The following FGF1 variants were observed in gnomAD, a reference collection of about 807,000 sequenced individuals.
FGF1 encodes the protein fibroblast growth factor 1, also known as beta-endothelial cell growth factor.
Under a neutral mutation model 13.4 loss-of-function variants are expected in FGF1, and 9 were observed. The ratio of observed to expected loss-of-function variants is 0.67; its 90% confidence interval spans 0.40 to 1.17. The LOEUF is 1.17. Ranked by LOEUF, FGF1 falls within the 50% of genes most tolerant of loss-of-function variation. The pLI, the probability that FGF1 is intolerant of heterozygous loss-of-function variation, is 0.01. For synonymous variants in FGF1, 93 were observed against 79.0 expected (o/e 1.18, Z -0.94); for missense variants, 156 against 192.7 (o/e 0.81, Z 1.13).
At chr5:142,621,675 A>G (rs534409990) in intron 1 of FGF1, among the ~76,000 whole-genome samples, 21 of 152,096 alleles carry the variant, frequency 1.4e-4, no homozygotes, top group African/African-American at 4.8e-4. Context: ...GTGATTTCCC[A>G]TTGCTCTGGG....
In FGF1 at chr5:142,628,370, C is replaced by T. The variant is rs553981702; in HGVS notation, c.-34-14209G>A. ...CTAAAAATACAAAAAATTAGCCGGGCGTGATGGCACATGCCTGTAATCCCA... is the reference window on the plus strand; with the variant it reads ...CTAAAAATACAAAAAATTAGCCGGGTGTGATGGCACATGCCTGTAATCCCA... On this transcript the variant is annotated intron_variant, in intron 1 of 3. Coordinates refer to ENST00000337706, the MANE Select transcript of FGF1 (RefSeq NM_000800.5). Among the ~76,000 whole-genome samples, 14 of 152,182 alleles carry T rather than the reference C, an allele frequency of 9.2e-5. 1 individual carries two copies. In the South Asian group the frequency reaches 2.5e-3, roughly 27 times the overall value.
At chr5:142,660,618 C>G (rs139443042) in intron 1 of FGF1, among the ~76,000 whole-genome samples, 3 of 152,348 alleles carry the variant, frequency 2.0e-5, no homozygotes, top group Non-Finnish European at 4.4e-5. Flanking sequence ...ACCCATTCAG[C>G]CTCTCAAACT....
At chr5:142,637,023 A>G (rs1764365040) in intron 1 of FGF1, among the ~76,000 whole-genome samples, 1 of 152,010 alleles carries the variant, frequency 6.6e-6, no homozygotes, top group Non-Finnish European at 1.5e-5. Flanking sequence ...CAATTGCCCA[A>G]GTAAGAGGTC....
chr5:142,627,118 G>A (rs1267980162), intron 1 of FGF1: 2 of 152,198 alleles, frequency 1.3e-5, no homozygotes, highest in African/African-American at 4.8e-5. Flanking sequence ...TGTTTAGTGG[G>A]TTGATTTTCT....
intron 1 of FGF1, among the ~76,000 whole-genome samples, chr5:142,637,620 C>T (rs1186813465): frequency 6.6e-6 from 1 of 151,992 alleles, no homozygotes; most frequent in Non-Finnish European, 1.5e-5. Context: ...TGCCCAGCCA[C>T]CATGGCATCT....
chr5:142,656,972 C>T (rs150995746), intron 1 of FGF1, among the ~76,000 whole-genome samples: 1 of 151,964 alleles, frequency 6.6e-6, no homozygotes. Flanking sequence ...GGCTGGAGTG[C>T]AATGGCGAGA....
intron 1 of FGF1, among the ~76,000 whole-genome samples, chr5:142,619,657 A>C (rs1407537979): frequency 2.0e-5 from 3 of 152,156 alleles, no homozygotes; most frequent in Non-Finnish European, 4.4e-5. Context: ...AACATGGAGA[A>C]ACCCCGTCTC....
chr5:142,618,934 T>G (rs935048297), intron 1 of FGF1, among the ~76,000 whole-genome samples: 42 of 130,774 alleles, frequency 3.2e-4, no homozygotes, highest in Non-Finnish European at 2.8e-4. Flanking sequence ...GTTTTGTTTT[T>G]TTTTTTTTTT....
At position 142,670,730 on chromosome 5, in the gene FGF1, C is replaced by T. The variant is rs75615055; in HGVS notation, c.-35+15227G>A. ...CTTCCAATCATTTATTTGGAAATTA[C>T]GATGTGCCTCACAGTTATTTGGACT... is the stretch of plus-strand genomic sequence containing the variant. On this transcript the variant is annotated intron_variant, in intron 1 of 3. Coordinates refer to ENST00000337706, the MANE Select transcript of FGF1 (RefSeq NM_000800.5). Among the ~76,000 whole-genome samples the T allele has an allele frequency of 1.7e-4, 26 of 152,288 alleles. No homozygotes were observed. In the East Asian group the frequency reaches 3.9e-3, roughly 23 times the overall value.
chr5:142,597,279 T>C (rs954751174), intron 3 of FGF1, among the ~76,000 whole-genome samples: 11 of 152,220 alleles, frequency 7.2e-5, no homozygotes. Flanking sequence ...GTTGAGTAAG[T>C]GTACAACTGT....
chr5:142,612,052 G>A (rs958326468), intron 2 of FGF1, among the ~76,000 whole-genome samples: 2 of 152,210 alleles, frequency 1.3e-5, no homozygotes, highest in Admixed American at 6.5e-5. Context: ...TTGTACAAAT[G>A]AGAAAAGTGA....
In FGF1 at chr5:142,595,147, C is replaced by T; in HGVS notation, c.*143G>A. ...AGGCTCTGCAAAGAAGTGAACTGGG[C>T]ATTTAGAAGCAAGTTGCTTACAAAT... is the stretch of plus-strand genomic sequence containing the variant. On this transcript the variant is annotated 3_prime_UTR_variant, in exon 4 of 4. Transcript: ENST00000337706. The T allele has an allele frequency of 1.5e-6, 1 of 649,094 alleles. No homozygotes were observed. The highest frequency in any genetic ancestry group is 2.9e-5 in the Admixed American group (1 of 34,260). The allele number at this position is 649,094 out of a possible 1,614,324, so 40.2% of individuals were successfully genotyped here.
At chr5:142,631,845 G>A (rs753040331) in intron 1 of FGF1, among the ~76,000 whole-genome samples, 11 of 139,596 alleles carry the variant, frequency 7.9e-5, no homozygotes, top group African/African-American at 1.1e-4. Context: ...GTGCAGTGGC[G>A]CAATCTCGGC....
In FGF1 at chr5:142,600,266, G is replaced by T. The variant is rs17217380; in HGVS notation, c.273+436C>A. 8.7e-3 allele frequency among the ~76,000 whole-genome samples: 1,327 copies of T among 152,284 alleles called. 19 individuals carry two copies. Among genetic ancestry groups the T allele is most frequent in the African/African-American group, 0.03 (1,234 of 41,566 alleles). Reference sequence around the variant, plus strand: ...GGTCCCAGCTACTCAGGGGGCTGAGGGGGGAGGATTTCTTGAGCCCAGGAG... The same window carrying T: ...GGTCCCAGCTACTCAGGGGGCTGAGTGGGGAGGATTTCTTGAGCCCAGGAG... On this transcript the variant is annotated intron_variant, in intron 3 of 3. Coordinates refer to ENST00000337706, the MANE Select transcript of FGF1 (RefSeq NM_000800.5).
intron 2 of FGF1, among the ~76,000 whole-genome samples, chr5:142,601,302 C>T (rs1468765036): frequency 6.6e-6 from 1 of 152,174 alleles, no homozygotes; most frequent in Non-Finnish European, 1.5e-5. Context: ...AGATTCCTGT[C>T]CGCAGATCGT....
At chr5:142,681,675 C>G (rs1477655086) in intron 1 of FGF1, among the ~76,000 whole-genome samples, 1 of 152,216 alleles carries the variant, frequency 6.6e-6, no homozygotes, top group Non-Finnish European at 1.5e-5. Flanking sequence ...ATAATCCCCC[C>G]AAACCATATA....
intron 1 of FGF1, among the ~76,000 whole-genome samples, chr5:142,683,821 C>CAAAAGAAA (rs1774172711): frequency 2.0e-5 from 1 of 49,744 alleles, no homozygotes; most frequent in African/African-American, 8.6e-5. Flanking sequence ...AACTCTGTCT[C>CAAAAGAAA]AAAAAAAAAA....
chr5:142,600,825 A>G lies in FGF1; in HGVS notation c.170-20T>C. ...GCTGAACTGGAATAAAAATAACACG[A>G]GCAAAAGTAAATAAACACTACGCTT... is the stretch of plus-strand genomic sequence containing the variant. On this transcript the variant is annotated intron_variant, in intron 2 of 3. Transcript: ENST00000337706. 1.3e-6 allele frequency: 2 copies of G among 1,570,940 alleles called. No homozygotes were observed. Among genetic ancestry groups the G allele is most frequent in the Non-Finnish European group, 1.7e-6 (2 of 1,144,326 alleles).
At chr5:142,646,052 G>A (rs535322718) in intron 1 of FGF1, among the ~76,000 whole-genome samples, 147 of 152,140 alleles carry the variant, frequency 9.7e-4, no homozygotes, top group African/African-American at 3.4e-3. Context: ...GGGACTACAG[G>A]CGCCTGCCAC....
Sources: gnomAD v4.1 joint callset for allele counts (sites outside exome capture counted in the v4.1 genomes callset) on GRCh38, gnomAD v4.1.1 for gene constraint, MANE v1.5 for transcripts, NCBI Gene and HGNC (gene_info 2026-07-23, HGNC 2026-07-21) for gene names.